C2orf76: variants seen among roughly 807,000 people sequenced by gnomAD.
C2orf76 encodes the protein UPF0538 protein C2orf76.
In C2orf76, 23 loss-of-function variants were observed where a neutral mutation model predicts 16.9. That is an observed-to-expected ratio of 1.36 (90% CI 0.98 to 1.93). The LOEUF is 1.93. C2orf76 is among the 30% of genes most tolerant of loss of function. The probability of loss-of-function intolerance (pLI) is 0.00; values close to 1 mark genes in which losing one functional copy is unlikely to be tolerated. For missense variants in C2orf76, 152 were observed against 152.6 expected, an observed-to-expected ratio of 1.00 and a Z score of 0.02; for synonymous variants, 48 against 52.3, an observed-to-expected ratio of 0.92 and a Z score of 0.35.
intron 2 of C2orf76, among the ~76,000 whole-genome samples, chr2:119,321,869 T>TAC (rs1231932924): frequency 2.0e-5 from 3 of 151,786 alleles, no homozygotes; most frequent in African/African-American, 7.3e-5. Context: ...TATATATATA[T>TAC]AGCTGATGTT....
chr2:119,309,398 C>CTTTTTTTTTTTTTTTTT (rs1193022536), intron 5 of C2orf76, among the ~76,000 whole-genome samples: 30 of 71,366 alleles, frequency 4.2e-4, no homozygotes, highest in Non-Finnish European at 5.9e-4. Context: ...TTCTCTTTTT[C>CTTTTTTTTTTTTTTTTT]TTTTTTTTTT....
intron 1 of C2orf76, among the ~76,000 whole-genome samples, chr2:119,358,836 C>G (rs1481688095): frequency 6.6e-6 from 1 of 152,148 alleles, no homozygotes; most frequent in Non-Finnish European, 1.5e-5. Context: ...CAAAATGAAG[C>G]CTCAGGTGCT....
At chr2:119,367,019 C>T (rs1284045408), upstream of C2orf76, 2 of 1,613,994 alleles carry the variant, frequency 1.2e-6, no homozygotes, top group Non-Finnish European at 1.7e-6. Flanking sequence ...GCCTCCTCCG[C>T]TGTCTCCCTG....
chr2:119,353,030 A>G (rs1680452649), intron 1 of C2orf76, among the ~76,000 whole-genome samples: 1 of 152,212 alleles, frequency 6.6e-6, no homozygotes, highest in African/African-American at 2.4e-5. Context: ...GAGCAGATAT[A>G]AAAGGAGAAA....
chr2:119,342,118 A>G (rs780814822), intron 1 of C2orf76, among the ~76,000 whole-genome samples: 2 of 152,206 alleles, frequency 1.3e-5, no homozygotes, highest in Non-Finnish European at 2.9e-5. Context: ...CAACAGCAGA[A>G]TTGATAAGTA....
Position 119,350,978 on chromosome 2 carries a change from C to CA in C2orf76, c.-12-11008dup, listed in dbSNP as rs1482661644. Among the ~76,000 whole-genome samples, 11 of 150,580 alleles carry CA rather than the reference C, an allele frequency of 7.3e-5. No homozygotes were observed. In the East Asian group the frequency reaches 7.8e-4, roughly 11 times the overall value. ...GATGTTACACTGATCTCTGTCAGCT[C>CA]AAAAAAAAACATCACTACAGTTGAT... On this transcript the variant is annotated intron_variant, in intron 1 of 5. Transcript: ENST00000334816.
chr2:119,337,845 T>C (rs1463556208), intron 2 of C2orf76, among the ~76,000 whole-genome samples: 2 of 152,144 alleles, frequency 1.3e-5, no homozygotes, highest in African/African-American at 4.8e-5. Context: ...CTGGGGAAGG[T>C]ATCTGTGGTA....
chr2:119,314,625 T>C (rs1326892288), intron 4 of C2orf76, among the ~76,000 whole-genome samples: 1 of 152,192 alleles, frequency 6.6e-6, no homozygotes, highest in Non-Finnish European at 1.5e-5. Context: ...TTTTATAACA[T>C]GTCTTATATG....
chr2:119,367,034 T>C (rs1187907665), upstream of C2orf76: 1 of 1,614,064 alleles, frequency 6.2e-7, no homozygotes, highest in Admixed American at 1.7e-5. Flanking sequence ...TCCCTGGAGT[T>C]CTTGCAAGTC....
intron 2 of C2orf76, 112 bp downstream of exon 2, chr2:119,339,715 C>G (rs1475249374): frequency 1.7e-6 from 2 of 1,208,176 alleles, no homozygotes; most frequent in African/African-American, 3.0e-5. Context: ...TGGCTTGGAA[C>G]CCAGGTTAAT....
At chr2:119,285,637 C>T in the C2orf76 span, among the ~76,000 whole-genome samples, 2 of 152,146 alleles carry the variant, frequency 1.3e-5, no homozygotes, top group East Asian at 1.9e-4. Flanking sequence ...GAAAAGAAAC[C>T]AAAATTGTGG....
the C2orf76 span, among the ~76,000 whole-genome samples, chr2:119,288,802 T>C: frequency 3.2e-4 from 48 of 151,956 alleles, no homozygotes; most frequent in Non-Finnish European, 4.4e-5. Flanking sequence ...GGGTCAGCTA[T>C]TCCCCTCTGA....
intron 2 of C2orf76, among the ~76,000 whole-genome samples, chr2:119,339,309 C>A (rs1165684979): frequency 6.6e-6 from 1 of 152,174 alleles, no homozygotes; most frequent in East Asian, 1.9e-4. Flanking sequence ...GAGGACATAA[C>A]AGAATGAAGA....
rs1004270793 is a variant in C2orf76, at chr2:119,354,529, T to C, written c.-13+12261A>G. On this transcript the variant is annotated intron_variant, in intron 1 of 5. Transcript: ENST00000334816. ...CAGTGTGAGGCTCTGTCTCAAAATA[T>C]AAAAATTTTTTTTAAAAAACCCTAC... Among the ~76,000 whole-genome samples, 5 of 152,092 alleles carry C rather than the reference T, an allele frequency of 3.3e-5. No homozygotes were observed. The East Asian group carries it at 9.6e-4, about 29-fold the overall frequency.
At chr2:119,303,820 T>C (rs550577703) in intron 5 of C2orf76, among the ~76,000 whole-genome samples, 1 of 152,180 alleles carries the variant, frequency 6.6e-6, no homozygotes, top group Admixed American at 6.5e-5. Flanking sequence ...CTCTACTATA[T>C]CTTCAAGATT....
chr2:119,307,814 A>T (rs1264783687), intron 5 of C2orf76, among the ~76,000 whole-genome samples: 1 of 152,226 alleles, frequency 6.6e-6, no homozygotes, highest in Non-Finnish European at 1.5e-5. Flanking sequence ...ATGGTTCATT[A>T]CATAAGTCAG....
At chr2:119,291,284 T>C in the C2orf76 span, among the ~76,000 whole-genome samples, 2 of 151,946 alleles carry the variant, frequency 1.3e-5, no homozygotes, top group East Asian at 3.9e-4. Context: ...CTTTGCAAGA[T>C]TTTTCTTCCC....
intron 5 of C2orf76, among the ~76,000 whole-genome samples, chr2:119,307,736 C>T (rs1678838143): frequency 6.6e-6 from 1 of 152,180 alleles, no homozygotes; most frequent in African/African-American, 2.4e-5. Context: ...AATAATCTGA[C>T]TCTGATCCAG....
the C2orf76 span, among the ~76,000 whole-genome samples, chr2:119,285,309 C>T: frequency 3.5e-4 from 53 of 152,300 alleles, no homozygotes; most frequent in African/African-American, 1.2e-3. Flanking sequence ...CTTCCAAATT[C>T]CTTCCTTATT....
Sources: gnomAD v4.1 joint callset for allele counts (sites outside exome capture counted in the v4.1 genomes callset) on GRCh38, gnomAD v4.1.1 for gene constraint, MANE v1.5 for transcripts, NCBI Gene and HGNC (gene_info 2026-07-23, HGNC 2026-07-21) for gene names.